The following MAP3K5 variants were observed in gnomAD, a reference collection of about 807,000 sequenced individuals.
MAP3K5 encodes ASK-1.
Under a neutral mutation model 158.7 loss-of-function variants are expected in MAP3K5, and 56 were observed. The observed-to-expected ratio is 0.35, with a 90% CI of 0.28 to 0.44. The LOEUF is 0.44. MAP3K5 is among the 20% of genes least tolerant of loss of function. MAP3K5 has a pLI of 1.00. For missense variants in MAP3K5, 1,294 were observed against 1,674.8 expected, an observed-to-expected ratio of 0.77 and a Z score of 3.97; for synonymous variants, 579 against 601.7, an observed-to-expected ratio of 0.96 and a Z score of 0.55.
intron 23 of MAP3K5, among the ~76,000 whole-genome samples, chr6:136,588,971 C>T (rs562938578): frequency 1.3e-5 from 2 of 152,340 alleles, no homozygotes; most frequent in South Asian, 4.1e-4. Context: ...CATTTCAGCT[C>T]TCCTTGTACT....
At position 136,695,974 on chromosome 6, in the gene MAP3K5, A is replaced by C. The variant is rs1780586095; in HGVS notation, c.1059T>G (p.Phe353Leu). The change falls in exon 6 of 30, where the codon TTT becomes TTG. Residue 353 changes from phenylalanine to leucine, a missense_variant. Phe to Leu is a conservative substitution (Grantham distance 22). Transcript: ENST00000359015. ...ACCTATTCAGTGCAAATGCATAATG[A>C]AACTTCACATGGTGATGGGAGGCCA... is the stretch of plus-strand genomic sequence containing the variant. ...FDLASHHHVKFHYAFALNRRN... is the reference protein window; with the variant it reads ...FDLASHHHVKLHYAFALNRRN... 1.9e-6 allele frequency: 3 copies of C among 1,613,260 alleles called. No individual in the cohort carries two copies. Among genetic ancestry groups the C allele is most frequent in the African/African-American group, 1.3e-5 (1 of 74,916 alleles).
At position 136,727,818 on chromosome 6, in the gene MAP3K5, C is replaced by T. The variant is rs1185608479; in HGVS notation, c.449-7229G>A. ...TACTAAAAATACAAAAAAAATTAGC[C>T]GGGCGTGGTGGCAGGTGCCTGTAGT... On this transcript the variant is annotated intron_variant, in intron 1 of 29. Transcript: ENST00000359015. 5.3e-5 allele frequency among the ~76,000 whole-genome samples: 8 copies of T among 151,974 alleles called. No individual in the cohort carries two copies. The East Asian group carries it at 1.2e-3, about 22-fold the overall frequency.
intron 1 of MAP3K5, among the ~76,000 whole-genome samples, chr6:136,748,904 A>G (rs1582634911): frequency 6.6e-6 from 1 of 152,390 alleles, no homozygotes; most frequent in East Asian, 1.9e-4. Flanking sequence ...TAAGGAGAAG[A>G]AAATCAGCCA....
chr6:136,739,035 C>G (rs1201921314), intron 1 of MAP3K5, among the ~76,000 whole-genome samples: 1 of 152,086 alleles, frequency 6.6e-6, no homozygotes. Flanking sequence ...ATCAAATAAA[C>G]GTACAAAAAC....
At chr6:136,779,806 T>C (rs1784543975) in intron 1 of MAP3K5, among the ~76,000 whole-genome samples, 1 of 152,244 alleles carries the variant, frequency 6.6e-6, no homozygotes, top group Non-Finnish European at 1.5e-5. Context: ...TTATATCTTT[T>C]CTCACATCCA....
chr6:136,576,070 T>A (rs1218693049), intron 25 of MAP3K5, among the ~76,000 whole-genome samples: 1 of 152,212 alleles, frequency 6.6e-6, no homozygotes, highest in African/African-American at 2.4e-5. Context: ...GCAATTCTAC[T>A]ATAACAAAAA....
rs557324820 is a variant in MAP3K5 at position 136,714,337 on chromosome 6, C to T, written c.588+6113G>A. On this transcript the variant is annotated intron_variant, in intron 2 of 29. Coordinates refer to ENST00000359015, the MANE Select transcript of MAP3K5 (RefSeq NM_005923.4). ...CAAAATTTACACATGGACATCACTG[C>T]TATTTTCAAAACTATAACCATTTGC... Among the ~76,000 whole-genome samples, 7 of 152,236 alleles carry T rather than the reference C, an allele frequency of 4.6e-5. No individual in the cohort carries two copies. In the South Asian group the frequency reaches 1.4e-3, roughly 32 times the overall value.
At chr6:136,779,342 C>T (rs1020884398) in intron 1 of MAP3K5, among the ~76,000 whole-genome samples, 3 of 150,590 alleles carry the variant, frequency 2.0e-5, no homozygotes, top group African/African-American at 7.3e-5. Context: ...ACGTGGGAGG[C>T]TGAGGCAGGA....
At chr6:136,774,672 C>T (rs753210793) in intron 1 of MAP3K5, among the ~76,000 whole-genome samples, 7 of 152,142 alleles carry the variant, frequency 4.6e-5, no homozygotes, top group Non-Finnish European at 5.9e-5. Flanking sequence ...GTCATTAACT[C>T]ACACTTAAGC....
At chr6:136,753,747 T>C (rs754023504) in intron 1 of MAP3K5, among the ~76,000 whole-genome samples, 1 of 152,098 alleles carries the variant, frequency 6.6e-6, no homozygotes, top group Non-Finnish European at 1.5e-5. Flanking sequence ...TAGCTTATCA[T>C]CATAAATAAT....
chr6:136,668,712 T>C (rs763789611), intron 8 of MAP3K5, among the ~76,000 whole-genome samples: 2 of 152,204 alleles, frequency 1.3e-5, no homozygotes, highest in Admixed American at 1.3e-4. Flanking sequence ...TGAGATAATG[T>C]CTACAGATAA....
At chr6:136,700,703 C>A (rs1229144893) in intron 3 of MAP3K5, among the ~76,000 whole-genome samples, 3 of 151,980 alleles carry the variant, frequency 2.0e-5, no homozygotes, top group East Asian at 3.9e-4. Flanking sequence ...CAAAAGAGAG[C>A]TAGAAATATG....
chr6:136,657,494 G>A (rs1778803067), intron 9 of MAP3K5, among the ~76,000 whole-genome samples: 1 of 152,178 alleles, frequency 6.6e-6, no homozygotes, highest in South Asian at 2.1e-4. Context: ...TCAATATCAT[G>A]CGTGCATCTA....
intron 26 of MAP3K5, among the ~76,000 whole-genome samples, chr6:136,564,853 C>A (rs1476634098): frequency 1.3e-5 from 2 of 152,160 alleles, no homozygotes; most frequent in Non-Finnish European, 2.9e-5. Context: ...ATCCCAGGAG[C>A]CATACTTCAA....
intron 18 of MAP3K5, among the ~76,000 whole-genome samples, chr6:136,610,181 A>G (rs914773625): frequency 1.3e-5 from 2 of 152,064 alleles, no homozygotes; most frequent in Non-Finnish European, 2.9e-5. Context: ...AGAAGAACTT[A>G]ACACTTCATG....
intron 10 of MAP3K5, among the ~76,000 whole-genome samples, chr6:136,653,319 C>T (rs1471349308): frequency 4.6e-5 from 7 of 152,096 alleles, no homozygotes; most frequent in Non-Finnish European, 1.5e-5. Flanking sequence ...ACAGTTAATT[C>T]TTGGAGAAAT....
At chr6:136,685,357 C>G (rs1039917906) in intron 7 of MAP3K5, among the ~76,000 whole-genome samples, 6 of 151,974 alleles carry the variant, frequency 3.9e-5, no homozygotes, top group African/African-American at 1.5e-4. Flanking sequence ...CATTTTCCCC[C>G]TATTTTCTGT....
At chr6:136,590,066 G>A (rs140962808) in intron 23 of MAP3K5, among the ~76,000 whole-genome samples, 19 of 152,294 alleles carry the variant, frequency 1.2e-4, no homozygotes, top group Non-Finnish European at 7.4e-5. Flanking sequence ...TCAACAGACT[G>A]GGTTAGTTCT....
At chr6:136,688,086 G>T (rs1291328155) in intron 7 of MAP3K5, among the ~76,000 whole-genome samples, 1 of 152,194 alleles carries the variant, frequency 6.6e-6, no homozygotes, top group Admixed American at 6.5e-5. Flanking sequence ...ATAGTATGCA[G>T]CCATAAAAAA....
Sources: allele counts gnomAD v4.1 joint callset (sites outside exome capture counted in the v4.1 genomes callset), GRCh38; gene constraint gnomAD v4.1.1; transcripts MANE v1.5; gene names NCBI Gene and HGNC (gene_info 2026-07-23, HGNC 2026-07-21).